Variants in ANO1 observed in about 807,000 individuals in gnomAD.
The protein encoded by ANO1 is anoctamin-1.
Under a neutral mutation model 124.0 loss-of-function variants are expected in ANO1, and 59 were observed. The ratio of observed to expected loss-of-function variants is 0.48; its 90% CI spans 0.39 to 0.59. ANO1 has a LOEUF of 0.59. Among genes scored for constraint, ANO1 ranks in the 20% least tolerant of loss-of-function variants. ANO1 has a pLI of 0.00. For missense variants in ANO1, 1,059 were observed against 1,328.0 expected, an observed-to-expected ratio of 0.80 and a Z score of 3.15; for synonymous variants, 529 against 532.0, an observed-to-expected ratio of 0.99 and a Z score of 0.08.
At chr11:70,029,858 G>A (rs567237197) in intron 1 of ANO1, among the ~76,000 whole-genome samples, 67 of 152,230 alleles carry the variant, frequency 4.4e-4, no homozygotes, top group African/African-American at 1.4e-3. Flanking sequence ...CCTCTTCCTC[G>A]GTCTTCACTG....
the ANO1 span, among the ~76,000 whole-genome samples, chr11:69,968,824 T>C: frequency 0.97 from 148,021 of 152,300 alleles, 72,091 homozygotes; most frequent in East Asian, 1. Flanking sequence ...AATGGTACTC[T>C]TATGCCAACT....
At chr11:69,989,064 CGTGCCA>C (rs1856104136) in intron 1 of ANO1, among the ~76,000 whole-genome samples, 3 of 152,076 alleles carry the variant, frequency 2.0e-5, no homozygotes, top group Admixed American at 6.6e-5. Flanking sequence ...CAGGTGACTG[CGTGCCA>C]GTCACCCATG....
chr11:70,027,619 C>G (rs534190843), intron 1 of ANO1, among the ~76,000 whole-genome samples: 1 of 152,370 alleles, frequency 6.6e-6, no homozygotes, highest in South Asian at 2.1e-4. Context: ...ATCTCGCACA[C>G]AGTAGGTCCG....
chr11:69,970,969 G>A, the ANO1 span, among the ~76,000 whole-genome samples: 25 of 152,318 alleles, frequency 1.6e-4, no homozygotes, highest in African/African-American at 6.0e-4. Context: ...CTGCCCCCTG[G>A]CCTGAACTTA....
chr11:70,066,308 GCATTCCCAAGGGACCC>G (rs1389307972), intron 1 of ANO1, among the ~76,000 whole-genome samples: 1 of 152,132 alleles, frequency 6.6e-6, no homozygotes, highest in African/African-American at 2.4e-5. Flanking sequence ...CCCTGAGCTT[GCATTCCCAAGGGACCC>G]CATGCTTGGT....
At chr11:70,131,866 G>A (rs2046771013) in intron 10 of ANO1, 53 bp from the exon 11 acceptor site, 20 of 1,562,270 alleles carry the variant, frequency 1.3e-5, no homozygotes, top group Non-Finnish European at 1.6e-5. Flanking sequence ...CACCCAGGAG[G>A]TGCTCCATCA....
In ANO1 at chr11:70,027,093, A is replaced by G. The variant is rs559106868; in HGVS notation, c.58+40927A>G. ...CAACACACTCCACTGGACACTTTCTATGCACTTTGCCTGCTTCGTCTCTCT... is the reference window on the plus strand; with the variant it reads ...CAACACACTCCACTGGACACTTTCTGTGCACTTTGCCTGCTTCGTCTCTCT... On this transcript the variant is annotated intron_variant, in intron 1 of 27. Coordinates refer to the ANO1 transcript ENST00000531349. Among the ~76,000 whole-genome samples, 11 of 152,270 alleles carry G rather than the reference A, an allele frequency of 7.2e-5. No individual in the cohort carries two copies. In the South Asian group the frequency reaches 2.3e-3, roughly 32 times the overall value.
At chr11:70,095,403 A>G (rs1233425445) in intron 2 of ANO1, among the ~76,000 whole-genome samples, 1 of 43,888 alleles carries the variant, frequency 2.3e-5, no homozygotes, top group South Asian at 8.7e-4. Context: ...AGAAAGAAAG[A>G]AAGAAAGAAA....
At chr11:69,985,520 A>C (rs1461439931), upstream of ANO1, among the ~76,000 whole-genome samples, 3 of 151,572 alleles carry the variant, frequency 2.0e-5, no homozygotes, top group Admixed American at 2.0e-4. Flanking sequence ...TGATGCGGGA[A>C]CCAGGGCCAC....
At chr11:70,112,242 A>G in intron 7 of ANO1, among the ~76,000 whole-genome samples, 1 of 152,162 alleles carries the variant, frequency 6.6e-6, no homozygotes, top group South Asian at 2.1e-4. Flanking sequence ...GAGAGAGAAG[A>G]TTGTCTTCTT....
chr11:70,064,784 T>G (rs9630219), intron 1 of ANO1: 85,646 of 152,032 alleles, frequency 0.56, 24,503 homozygotes, highest in East Asian at 0.71. Context: ...ATGAGTTTGA[T>G]CCATAGTTTG....
chr11:70,144,034 C>G (rs1383847877), intron 11 of ANO1, among the ~76,000 whole-genome samples: 1 of 152,166 alleles, frequency 6.6e-6, no homozygotes. Context: ...CTTTCTGTCT[C>G]TCTGGATTTA....
chr11:70,003,434 T>C (rs1554999631), intron 1 of ANO1, among the ~76,000 whole-genome samples: 2 of 152,224 alleles, frequency 1.3e-5, no homozygotes, highest in African/African-American at 2.4e-5. Context: ...AGACTTACTG[T>C]GTACCTCCTG....
chr11:70,031,748 C>T lies in ANO1; in HGVS notation c.58+45582C>T, dbSNP rs2046994. On this transcript the variant is annotated intron_variant, in intron 1 of 27. Transcript: ENST00000531349. ...TGCCGCTGTCACTACAGGTGTTGACCGGGCACCAGGGCACACCTGAGCACT... is the reference window on the plus strand; with the variant it reads ...TGCCGCTGTCACTACAGGTGTTGACTGGGCACCAGGGCACACCTGAGCACT... Among the ~76,000 whole-genome samples the T allele has an allele frequency of 0.014, 2,171 of 152,264 alleles. 107 individuals are homozygous for T. The East Asian group carries it at 0.16, about 11-fold the overall frequency.
At chr11:70,033,851 T>C (rs1322021528) in intron 1 of ANO1, among the ~76,000 whole-genome samples, 1 of 152,230 alleles carries the variant, frequency 6.6e-6, no homozygotes, top group Admixed American at 6.5e-5. Context: ...GTATGTGACC[T>C]GTACAGTTGT....
intron 1 of ANO1, among the ~76,000 whole-genome samples, chr11:70,041,626 G>A (rs1555005067): frequency 6.6e-6 from 1 of 152,000 alleles, no homozygotes; most frequent in Non-Finnish European, 1.5e-5. Context: ...ATTCGTGTAA[G>A]CACCACAGGG....
intron 1 of ANO1, among the ~76,000 whole-genome samples, chr11:69,986,732 G>A (rs935323810): frequency 6.6e-6 from 1 of 152,120 alleles, no homozygotes; most frequent in Admixed American, 6.5e-5. Flanking sequence ...CCTCCCCCCT[G>A]GCTGCACATA....
intron 8 of ANO1, among the ~76,000 whole-genome samples, chr11:70,123,459 C>T (rs1186773566): frequency 6.6e-6 from 1 of 152,226 alleles, no homozygotes; most frequent in African/African-American, 2.4e-5. Context: ...ACACTCACTT[C>T]CTGCCCTCCA....
chr11:70,120,360 G>A (rs765986891), intron 8 of ANO1, among the ~76,000 whole-genome samples: 4 of 152,110 alleles, frequency 2.6e-5, no homozygotes, highest in Non-Finnish European at 5.9e-5. Context: ...AGCAAGGCAC[G>A]CCCCCAGAGC....
Sources: gnomAD v4.1 joint callset for allele counts (sites outside exome capture counted in the v4.1 genomes callset) on GRCh38, gnomAD v4.1.1 for gene constraint, MANE v1.5 for transcripts, NCBI Gene and HGNC (gene_info 2026-07-23, HGNC 2026-07-21) for gene names.